STXBP5L: variants seen among roughly 807,000 people sequenced by gnomAD.
STXBP5L encodes the protein syntaxin-binding protein 5-like.
STXBP5L carries 65 observed loss-of-function variants against 144.5 expected under a neutral mutation model. The ratio of observed to expected loss-of-function variants is 0.45; its 90% CI spans 0.37 to 0.55. The LOEUF (loss-of-function observed/expected upper bound fraction) is 0.55. Ranked by LOEUF, STXBP5L falls within the 20% of genes least tolerant of loss-of-function variation. STXBP5L has a pLI of 0.00. For synonymous variants in STXBP5L, 505 were observed against 469.6 expected (o/e 1.08, Z -0.97); for missense variants, 1,298 against 1,405.5 (o/e 0.92, Z 1.22).
chr3:121,332,481 T>A (rs1159707288), intron 20 of STXBP5L, among the ~76,000 whole-genome samples: 1 of 148,844 alleles, frequency 6.7e-6, no homozygotes, highest in Non-Finnish European at 1.5e-5. Context: ...CAGCAGAAAC[T>A]TTTAACAGTA....
intron 18 of STXBP5L, among the ~76,000 whole-genome samples, chr3:121,278,332 T>C (rs2108436295): frequency 6.6e-6 from 1 of 152,090 alleles, no homozygotes; most frequent in Admixed American, 6.6e-5. Context: ...TCTTTTCTCT[T>C]TACCAACTTT....
At chr3:121,162,967 TTGG>T (rs1317660419) in intron 9 of STXBP5L, among the ~76,000 whole-genome samples, 1 of 152,144 alleles carries the variant, frequency 6.6e-6, no homozygotes, top group Non-Finnish European at 1.5e-5. Context: ...TTTTACACTG[TTGG>T]TGGGAGTGTA....
chr3:120,988,508 T>A (rs1402727100), intron 3 of STXBP5L, among the ~76,000 whole-genome samples: 1 of 152,020 alleles, frequency 6.6e-6, no homozygotes, highest in Non-Finnish European at 1.5e-5. Flanking sequence ...TTTTTGAGAT[T>A]TGTTTTATTG....
At chr3:121,250,873 C>T in intron 15 of STXBP5L, 110 bp downstream of exon 15, 1 of 864,856 alleles carries the variant, frequency 1.2e-6, no homozygotes, top group Non-Finnish European at 1.8e-6. Flanking sequence ...TTTTAGCACA[C>T]ATATGTGGCT....
chr3:121,318,924 A>G (rs2043877263), intron 20 of STXBP5L, among the ~76,000 whole-genome samples: 1 of 152,194 alleles, frequency 6.6e-6, no homozygotes, highest in Admixed American at 6.5e-5. Flanking sequence ...AGCAAATGAT[A>G]CCATTCCTCT....
chr3:121,166,868 T>C (rs547210350), intron 9 of STXBP5L, among the ~76,000 whole-genome samples: 16 of 152,134 alleles, frequency 1.1e-4, no homozygotes, highest in African/African-American at 3.9e-4. Flanking sequence ...TAATAGCATA[T>C]AAAGAGAAAG....
chr3:121,167,345 T>C (rs1457192841), intron 9 of STXBP5L, among the ~76,000 whole-genome samples: 1 of 152,190 alleles, frequency 6.6e-6, no homozygotes, highest in Non-Finnish European at 1.5e-5. Flanking sequence ...GAATCCATCC[T>C]CATATAAAGA....
intron 9 of STXBP5L, among the ~76,000 whole-genome samples, chr3:121,198,716 T>C (rs2048018924): frequency 6.6e-6 from 1 of 152,246 alleles, no homozygotes; most frequent in African/African-American, 2.4e-5. Context: ...TAGCCAGTTT[T>C]CCCAGCACCA....
chr3:121,229,795 C>T (rs989573093), intron 11 of STXBP5L, among the ~76,000 whole-genome samples: 2 of 152,102 alleles, frequency 1.3e-5, no homozygotes, highest in East Asian at 1.9e-4. Context: ...CTCAAACAAT[C>T]CTCCCACCTT....
intron 5 of STXBP5L, among the ~76,000 whole-genome samples, chr3:121,069,340 C>T (rs189790275): frequency 1.8e-4 from 27 of 152,240 alleles, no homozygotes; most frequent in African/African-American, 5.3e-4. Flanking sequence ...TATTTTATTT[C>T]TTGAGTAGTA....
intron 3 of STXBP5L, among the ~76,000 whole-genome samples, chr3:120,983,761 A>G (rs1942028109): frequency 6.6e-6 from 1 of 152,112 alleles, no homozygotes; most frequent in African/African-American, 2.4e-5. Flanking sequence ...CACCTATCCC[A>G]GCCCAGTAGG....
intron 3 of STXBP5L, among the ~76,000 whole-genome samples, chr3:120,962,530 G>C (rs1938973209): frequency 6.6e-6 from 1 of 152,162 alleles, no homozygotes; most frequent in Non-Finnish European, 1.5e-5. Context: ...TTATTAAATA[G>C]GGAATCCTTT....
At chr3:121,413,887 A>C (rs1447067895) in intron 24 of STXBP5L, among the ~76,000 whole-genome samples, 1 of 152,158 alleles carries the variant, frequency 6.6e-6, no homozygotes, top group Non-Finnish European at 1.5e-5. Context: ...CATTTTACAA[A>C]TAAGAAAACT....
At chr3:121,314,553 C>G (rs1213957118) in intron 19 of STXBP5L, among the ~76,000 whole-genome samples, 86 of 145,192 alleles carry the variant, frequency 5.9e-4, no homozygotes, top group Admixed American at 2.3e-3. Flanking sequence ...CAGTACCGTC[C>G]AGCTTTGGCT....
chr3:121,213,050 A>G (rs1295123506), intron 10 of STXBP5L, among the ~76,000 whole-genome samples: 1 of 152,144 alleles, frequency 6.6e-6, no homozygotes. Context: ...TGATTTTTGC[A>G]AATTAGTTTT....
intron 3 of STXBP5L, among the ~76,000 whole-genome samples, chr3:120,961,855 T>A (rs534820282): frequency 6.6e-6 from 1 of 152,236 alleles, no homozygotes; most frequent in African/African-American, 2.4e-5. Context: ...CCACACTGTC[T>A]TCCACAATAG....
intron 5 of STXBP5L, among the ~76,000 whole-genome samples, chr3:121,074,240 C>T (rs919662957): frequency 2.0e-5 from 3 of 152,162 alleles, no homozygotes; most frequent in Non-Finnish European, 2.9e-5. Flanking sequence ...AGAATGCATC[C>T]TTTATGTCTA....
rs188355773 is a variant in STXBP5L at position 121,374,754 on chromosome 3, A to G, written c.2177-3962A>G. Among the ~76,000 whole-genome samples the G allele has an allele frequency of 3.1e-4, 47 of 152,118 alleles. No individual in the cohort carries two copies. In the East Asian group the frequency reaches 8.5e-3, roughly 27 times the overall value. On this transcript the variant is annotated intron_variant, in intron 20 of 26. Coordinates refer to ENST00000471454, the MANE Select transcript of STXBP5L (RefSeq NM_001308330.2). The stretch of plus-strand genomic sequence containing the variant: ...AAGCCAGGTCTTTTGAAATAACCCA[A>G]TCAGACAAAGGTGGTATGGGGGTGT...
rs151240323 is a variant in STXBP5L, at chr3:121,294,729, AGAG to A, written c.2110+14777_2110+14779del. On this transcript the variant is annotated intron_variant, in intron 19 of 26. Transcript: ENST00000471454. ...ATTTCAACATTTAATTTCAGGAAGA[AGAG>A]GAGTTGCCAGGGAGAAGAGAAAAAG... 5.2e-3 allele frequency among the ~76,000 whole-genome samples: 798 copies of A among 152,272 alleles called. 6 individuals carry two copies. The highest frequency in any genetic ancestry group is 0.022 in the East Asian group (113 of 5,188).
Sources: gnomAD v4.1 joint callset for allele counts (sites outside exome capture counted in the v4.1 genomes callset) on GRCh38, gnomAD v4.1.1 for gene constraint, MANE v1.5 for transcripts, NCBI Gene and HGNC (gene_info 2026-07-23, HGNC 2026-07-21) for gene names.